The following ORC3 variants were observed in gnomAD, a reference collection of about 807,000 sequenced individuals.
The protein encoded by ORC3 is homolog of latheo, Drosophila.
A neutral mutation model predicts 100.7 loss-of-function variants in ORC3; 78 were observed. The observed-to-expected ratio is 0.77, with a 90% CI of 0.65 to 0.94. ORC3 has a LOEUF of 0.94. ORC3 is among the 40% of genes least tolerant of loss of function. ORC3 has a pLI of 0.00. For missense variants in ORC3, 789 were observed against 823.9 expected, an observed-to-expected ratio of 0.96 and a Z score of 0.52; for synonymous variants, 295 against 289.3, an observed-to-expected ratio of 1.02 and a Z score of -0.20.
At chr6:87,635,947 AT>A (rs200376034) in intron 12 of ORC3, among the ~76,000 whole-genome samples, 6,995 of 138,838 alleles carry the variant, frequency 0.05, 139 homozygotes, top group East Asian at 0.095. Flanking sequence ...TATAAATTGC[AT>A]TTTTTTTTTT....
chr6:87,657,198 T>A, intron 15 of ORC3: 1 of 402,058 alleles, frequency 2.5e-6, no homozygotes. Flanking sequence ...CTAGCTAACA[T>A]AGGTGGAAAC....
chr6:87,631,914 A>G (rs1454678773), intron 11 of ORC3, among the ~76,000 whole-genome samples: 2 of 152,144 alleles, frequency 1.3e-5, no homozygotes, highest in East Asian at 3.9e-4. Context: ...TCTAATCCCG[A>G]CACTTTGGGA....
chr6:87,607,226 C>T (rs559063024), intron 5 of ORC3, among the ~76,000 whole-genome samples: 7 of 152,012 alleles, frequency 4.6e-5, no homozygotes, highest in South Asian at 2.1e-4. Flanking sequence ...GTGAGGAGTT[C>T]GAGACCAGCC....
chr6:87,622,148 A>C, intron 11 of ORC3, 135 bp downstream of exon 11: 1 of 562,942 alleles, frequency 1.8e-6, no homozygotes, highest in Non-Finnish European at 3.1e-6. Context: ...GGGTCTTGAT[A>C]GTCACCTAGG....
intron 2 of ORC3, among the ~76,000 whole-genome samples, chr6:87,600,779 T>C (rs902316488): frequency 8.2e-5 from 12 of 145,956 alleles, no homozygotes; most frequent in African/African-American, 2.9e-4. Context: ...GTGTGAGTTA[T>C]GAAATCAATT....
chr6:87,668,289 G>A (rs1770759019), downstream of ORC3, among the ~76,000 whole-genome samples: 2 of 152,334 alleles, frequency 1.3e-5, no homozygotes, highest in Middle Eastern at 6.8e-3. Flanking sequence ...AGGATTATGT[G>A]TGTGTGCCCG....
At chr6:87,616,856 A>G (rs562177003) in intron 9 of ORC3, among the ~76,000 whole-genome samples, 5 of 151,580 alleles carry the variant, frequency 3.3e-5, no homozygotes, top group Admixed American at 3.3e-4. Flanking sequence ...GCTGGAGTGC[A>G]GTGGCATGAT....
At chr6:87,639,479 A>C (rs1286716094) in intron 13 of ORC3, among the ~76,000 whole-genome samples, 1 of 151,966 alleles carries the variant, frequency 6.6e-6, no homozygotes, top group African/African-American at 2.4e-5. Context: ...TCCTCCCCCC[A>C]ATTTATTCTA....
At chr6:87,663,698 C>T (rs1770380787) in intron 17 of ORC3, among the ~76,000 whole-genome samples, 1 of 152,252 alleles carries the variant, frequency 6.6e-6, no homozygotes. Flanking sequence ...AAAGTCCAGA[C>T]ACAGTTATCA....
At chr6:87,610,501 A>T (rs187905314) in intron 7 of ORC3, among the ~76,000 whole-genome samples, 42 of 151,772 alleles carry the variant, frequency 2.8e-4, no homozygotes, top group African/African-American at 9.4e-4. Flanking sequence ...GATTACAGAC[A>T]TGAGCCACCA....
At position 87,644,079 on chromosome 6, in the gene ORC3, CTTTTTTTTTTTTTTTT is replaced by C. The variant is rs1156943778; in HGVS notation, c.1382+7609_1382+7624del. 2.2e-3 allele frequency among the ~76,000 whole-genome samples: 114 copies of C among 51,436 alleles called. 1 individual carries two copies. The highest frequency in any genetic ancestry group is 3.1e-3 in the Non-Finnish European group (94 of 30,106). 33.7% of individuals were successfully genotyped at this position (51,436 alleles called of 152,430 possible). Reference sequence around the variant, plus strand: ...CCACAGATACAGATGGCTGACTGTCCTTTTTTTTTTTTTTTTTTTTTTTTTTTTTTTGAGACGGAGT... The same window carrying C: ...CCACAGATACAGATGGCTGACTGTCCTTTTTTTTTTTTTTTGAGACGGAGT... On this transcript the variant is annotated intron_variant, in intron 13 of 19. Transcript: ENST00000392844.
In ORC3 at chr6:87,605,900, G is replaced by A. The variant is rs143711495; in HGVS notation, c.323-17G>A. The A allele has an allele frequency of 2.1e-5, 26 of 1,260,386 alleles. No individual in the cohort carries two copies. In the East Asian group the frequency reaches 5.6e-4, roughly 27 times the overall value. 78.1% of individuals were successfully genotyped at this position (1,260,386 alleles called of 1,614,324 possible). On this transcript the variant is annotated splice_polypyrimidine_tract_variant and intron_variant, in intron 4 of 19. Transcript: ENST00000392844. ...TTAATAAAAATGGTGATGTAATATT[G>A]ATGTATTATCTCATAGGTGTGAATG...
At chr6:87,624,342 G>C (rs1779739256) in intron 11 of ORC3, among the ~76,000 whole-genome samples, 1 of 151,936 alleles carries the variant, frequency 6.6e-6, no homozygotes, top group Non-Finnish European at 1.5e-5. Context: ...AAATTAGCCG[G>C]GCATAGTGGT....
At chr6:87,654,839 T>C (rs2128290994) in intron 14 of ORC3, among the ~76,000 whole-genome samples, 1 of 152,342 alleles carries the variant, frequency 6.6e-6, no homozygotes, top group South Asian at 2.1e-4. Flanking sequence ...AGATACATTT[T>C]TAATTAGAGT....
intron 1 of ORC3, 51 bp from the exon 2 acceptor site, chr6:87,594,302 C>G (rs1228437584): frequency 8.8e-6 from 12 of 1,357,216 alleles, no homozygotes; most frequent in Non-Finnish European, 1.2e-5. Flanking sequence ...AATCAGATTT[C>G]TCTGCTCCTT....
the ORC3 span, chr6:87,675,815 G>C: frequency 6.4e-7 from 1 of 1,554,404 alleles, no homozygotes; most frequent in Non-Finnish European, 8.8e-7. Context: ...CTCCTTAAAA[G>C]ACAGTCTTAT....
intron 16 of ORC3, among the ~76,000 whole-genome samples, chr6:87,661,504 G>T (rs1770173965): frequency 6.6e-6 from 1 of 152,188 alleles, no homozygotes; most frequent in Non-Finnish European, 1.5e-5. Context: ...TGATGTCCAT[G>T]TTGAATACCC....
In ORC3 at chr6:87,656,930, C is replaced by T; in HGVS notation, c.1541C>T (p.Ser514Phe). Reference protein sequence around the residue: ...LDETKEEEDASGSQPKGLQKT... With the variant: ...LDETKEEEDAFGSQPKGLQKT... ...GAAACCAAAGAGGAAGAAGATGCTT[C>T]TGGGTCACAGCCAAAGGGGCTTCAG... Residue 514 changes from serine (S) to phenylalanine (F), a missense_variant, in exon 15 of 20, where the codon TCT becomes TTT. Coordinates refer to ENST00000392844, the MANE Select transcript of ORC3 (RefSeq NM_012381.4). 1 of 1,613,106 alleles carries T rather than the reference C, an allele frequency of 6.2e-7. No homozygotes were observed. Among genetic ancestry groups the T allele is most frequent in the Non-Finnish European group, 8.5e-7 (1 of 1,179,300 alleles).
intron 7 of ORC3, among the ~76,000 whole-genome samples, chr6:87,609,708 C>T (rs1228584155): frequency 1.3e-5 from 2 of 151,950 alleles, no homozygotes; most frequent in Non-Finnish European, 2.9e-5. Flanking sequence ...CCCACCACCA[C>T]ACCTGGCTAA....
Sources: allele counts gnomAD v4.1 joint callset (sites outside exome capture counted in the v4.1 genomes callset), GRCh38; gene constraint gnomAD v4.1.1; transcripts MANE v1.5; gene names NCBI Gene and HGNC (gene_info 2026-07-23, HGNC 2026-07-21).